Variants in MAGT1 observed in about 807,000 individuals in gnomAD.
The protein encoded by MAGT1 is dolichyl-diphosphooligosaccharide--protein glycosyltransferase subunit MAGT1.
MAGT1 carries 4 observed loss-of-function variants against 28.4 expected under a neutral mutation model. The observed-to-expected ratio is 0.14, with a 90% confidence interval of 0.07 to 0.32. The LOEUF (loss-of-function observed/expected upper bound fraction) is 0.32, where lower values mean the gene tolerates loss of function less well. Among genes scored for constraint, MAGT1 ranks in the 10% least tolerant of loss-of-function variants. The probability of loss-of-function intolerance (pLI) is 1.00; values close to 1 mark genes in which losing one functional copy is unlikely to be tolerated. For synonymous variants in MAGT1, 89 were observed against 89.7 expected (o/e 0.99, Z 0.04); for missense variants, 193 against 264.5 (o/e 0.73, Z 1.88).
intron 1 of MAGT1, among the ~76,000 whole-genome samples, chrX:77,889,021 G>A (rs2077074454): frequency 9.2e-6 from 1 of 108,691 alleles, no homozygotes; most frequent in African/African-American, 3.3e-5. Flanking sequence ...TGTCACCCAG[G>A]CTGGAGTGCA....
chrX:77,870,863 T>G lies in MAGT1; in HGVS notation c.335A>C (p.Asn112Thr), dbSNP rs781957420. Residue 112 changes from asparagine (N) to threonine (T), a missense_variant, in exon 3 of 10, where the codon AAC becomes ACC. Physicochemically the swap from Asn to Thr is moderately conservative, Grantham distance 65. Transcript: ENST00000618282. ...ATCCACCATGGCAAAAAATATCCTGTTGGTGAATGCACTGGAGTATCGCCA... is the reference window on the plus strand; with the variant it reads ...ATCCACCATGGCAAAAAATATCCTGGTGGTGAATGCACTGGAGTATCGCCA... ...NSWRYSSAFT[N>T]RIFFAMVDFD... 8.3e-7 allele frequency: 1 copy of G among 1,210,878 alleles called. No individual in the cohort carries two copies. The highest frequency in any genetic ancestry group is 2.2e-5 in the Admixed American group (1 of 45,975).
chrX:77,895,403 G>C lies in MAGT1; in HGVS notation c.8C>G (p.Ala3Gly), dbSNP rs782017481. Residue 3 changes from alanine (A) to glycine (G), a missense_variant, in exon 1 of 10, where the codon GCG becomes GGG. Physicochemically the swap from Ala to Gly is moderately conservative, Grantham distance 60. Coordinates refer to ENST00000618282, the MANE Select transcript of MAGT1 (RefSeq NM_001367916.1). The part of the protein sequence containing the change: MA[A>G]RWRFWCVSVT... ...AGAGACACACCAAAACCGCCAACGC[G>C]CTGCCATGTTCGCTCCTCTCCCTTC... The C allele has an allele frequency of 8.3e-7, 1 of 1,210,219 alleles. No individual in the cohort carries two copies. The highest frequency in any genetic ancestry group is 1.7e-5 in the African/African-American group (1 of 57,367).
At chrX:77,876,162 ATATTTTTTT>A (rs1279958394) in intron 1 of MAGT1, among the ~76,000 whole-genome samples, 114 of 37,934 alleles carry the variant, frequency 3.0e-3, no homozygotes, top group African/African-American at 2.9e-3. Flanking sequence ...ATATATATAT[ATATTTTTTT>A]TTTTTTTTTT....
intron 1 of MAGT1, among the ~76,000 whole-genome samples, chrX:77,887,295 C>T (rs1419303740): frequency 3.6e-5 from 4 of 111,371 alleles, no homozygotes; most frequent in Non-Finnish European, 7.5e-5. Context: ...TGGGGTCTTG[C>T]TATGTTGCGC....
intron 7 of MAGT1, among the ~76,000 whole-genome samples, chrX:77,850,087 T>A (rs2076963048): frequency 9.0e-6 from 1 of 111,267 alleles, no homozygotes; most frequent in Admixed American, 9.7e-5. Flanking sequence ...TCCAAAATCA[T>A]AACTACTACT....
intron 3 of MAGT1, among the ~76,000 whole-genome samples, chrX:77,861,025 A>G (rs1246919391): frequency 1.8e-5 from 2 of 109,528 alleles, no homozygotes; most frequent in Admixed American, 9.8e-5. Flanking sequence ...AAAATATGAA[A>G]AAAATTAGCT....
At chrX:77,876,142 ATATATATATATATATATATATATT>A (rs1557217777) in intron 1 of MAGT1, among the ~76,000 whole-genome samples, 2 of 24,937 alleles carry the variant, frequency 8.0e-5, no homozygotes, top group African/African-American at 2.9e-4. Flanking sequence ...TTATATATAT[ATATATATATATATATATATATATT>A]TTTTTTTTTT....
chrX:77,840,633 A>G (rs782800074), intron 8 of MAGT1, among the ~76,000 whole-genome samples: 1 of 111,717 alleles, frequency 9.0e-6, no homozygotes, highest in Admixed American at 9.6e-5. Context: ...ACTTGAGTCC[A>G]GGGGTTTGAG....
chrX:77,876,577 A>G (rs782707353), intron 1 of MAGT1, among the ~76,000 whole-genome samples: 3 of 111,559 alleles, frequency 2.7e-5, no homozygotes, highest in South Asian at 7.4e-4. Flanking sequence ...AAAACAACCC[A>G]GAAGTAGACC....
intron 3 of MAGT1, among the ~76,000 whole-genome samples, chrX:77,869,834 A>G (rs1293781758): frequency 1.8e-5 from 2 of 112,101 alleles, no homozygotes; most frequent in Non-Finnish European, 3.8e-5. Context: ...TATGGAAAAC[A>G]GTATGGAAAT....
At chrX:77,889,739 C>T (rs575213815) in intron 1 of MAGT1, among the ~76,000 whole-genome samples, 3 of 111,409 alleles carry the variant, frequency 2.7e-5, no homozygotes, top group African/African-American at 9.8e-5. Flanking sequence ...CTCATCACAT[C>T]ATGTAAAACG....
At chrX:77,884,666 C>T (rs1235709435) in intron 1 of MAGT1, among the ~76,000 whole-genome samples, 2 of 109,631 alleles carry the variant, frequency 1.8e-5, no homozygotes, top group Non-Finnish European at 3.8e-5. Flanking sequence ...GCAACCCTGG[C>T]TTCTACTCAC....
intron 3 of MAGT1, among the ~76,000 whole-genome samples, chrX:77,865,920 C>T (rs2077007477): frequency 1.1e-5 from 1 of 90,615 alleles, no homozygotes; most frequent in Admixed American, 1.3e-4. Flanking sequence ...CTTTGGGAGG[C>T]CAAGGCGGGC....
chrX:77,843,739 G>C (rs1171518503), intron 7 of MAGT1, among the ~76,000 whole-genome samples: 1 of 111,285 alleles, frequency 9.0e-6, no homozygotes, highest in Non-Finnish European at 1.9e-5. Context: ...CATCATGCAG[G>C]TTTGTTACAC....
intron 1 of MAGT1, among the ~76,000 whole-genome samples, chrX:77,881,548 A>G (rs1206114229): frequency 9.2e-6 from 1 of 108,607 alleles, no homozygotes; most frequent in African/African-American, 3.4e-5. Context: ...GTTTGCTGAG[A>G]ATGATGGTTT....
chrX:77,889,912 C>G (rs1436371639), intron 1 of MAGT1, among the ~76,000 whole-genome samples: 3 of 111,905 alleles, frequency 2.7e-5, no homozygotes, highest in Non-Finnish European at 5.6e-5. Context: ...TGTTTGTACT[C>G]ATAAAGAATC....
chrX:77,836,074 G>A (rs1233886329), intron 8 of MAGT1, among the ~76,000 whole-genome samples: 2 of 111,293 alleles, frequency 1.8e-5, no homozygotes, highest in African/African-American at 6.5e-5. Context: ...AAAGTGCTGG[G>A]ATTACAGGAG....
intron 1 of MAGT1, among the ~76,000 whole-genome samples, chrX:77,890,426 T>C (rs1479013992): frequency 8.9e-6 from 1 of 112,220 alleles, no homozygotes; most frequent in Non-Finnish European, 1.9e-5. Context: ...ACGTACTTCC[T>C]GGATAGAGCT....
intron 1 of MAGT1, among the ~76,000 whole-genome samples, chrX:77,894,846 C>G (rs2077093982): frequency 8.9e-6 from 1 of 111,978 alleles, no homozygotes; most frequent in Non-Finnish European, 1.9e-5. Flanking sequence ...ATTATTTGGA[C>G]AAAGTAATAA....
Sources: allele counts gnomAD v4.1 joint callset (sites outside exome capture counted in the v4.1 genomes callset), GRCh38; gene constraint gnomAD v4.1.1; transcripts MANE v1.5; gene names NCBI Gene and HGNC (gene_info 2026-07-23, HGNC 2026-07-21).